The following ITPR1 variants were observed in gnomAD, a reference collection of about 807,000 sequenced individuals.
ITPR1 encodes the protein inositol 1,4,5-trisphosphate receptor type 1, also known as inositol 1,4,5-trisphosphate-gated calcium channel ITPR1.
A neutral mutation model predicts 318.4 loss-of-function variants in ITPR1; 96 were observed. That is an observed-to-expected ratio of 0.30 (90% CI 0.26 to 0.36). The LOEUF is 0.36. Ranked by LOEUF, ITPR1 falls within the 10% of genes least tolerant of loss-of-function variation. ITPR1 has a pLI of 1.00. For missense variants in ITPR1, 2,440 were observed against 3,460.2 expected (o/e 0.71, Z 7.40); for synonymous variants, 1,312 against 1,289.9 (o/e 1.02, Z -0.37).
chr3:4,735,192 C>T lies in ITPR1; in HGVS notation c.5382C>T (p.Ser1794=), dbSNP rs759411779. 5.6e-6 allele frequency: 9 copies of T among 1,613,752 alleles called. No individual in the cohort carries two copies. The Admixed American group carries it at 6.7e-5, about 12-fold the overall frequency. The change falls in exon 44 of 62, where the codon AGC becomes AGT. Residue 1794 remains serine (S), a synonymous_variant. Transcript: ENST00000649015. ...GAGGTTCCGGATCCAGCTCTATGAG[C>T]AGGGGTGAGATGAGTCTGGCCGAGG... The part of the protein sequence containing the change: ...GGGGSGSSSM[S]RGEMSLAEVQ...
intron 11 of ITPR1, among the ~76,000 whole-genome samples, chr3:4,652,458 A>T (rs1203388645): frequency 1.3e-5 from 2 of 152,114 alleles, no homozygotes; most frequent in East Asian, 1.9e-4. Flanking sequence ...AAGTTAGAAG[A>T]TCATGCCGAT....
chr3:4,542,508 T>C (rs911096575), intron 4 of ITPR1, among the ~76,000 whole-genome samples: 1 of 152,236 alleles, frequency 6.6e-6, no homozygotes, highest in Non-Finnish European at 1.5e-5. Flanking sequence ...CCTATATATG[T>C]TAATTAGGGT....
chr3:4,783,701 C>T (rs1575231047), intron 50 of ITPR1, 115 bp from the exon 51 acceptor site: 2 of 858,728 alleles, frequency 2.3e-6, no homozygotes, highest in South Asian at 1.5e-5. Context: ...CACCTTTGCC[C>T]TTTGGCTTGC....
At chr3:4,670,547 A>G (rs752927713) in intron 19 of ITPR1, among the ~76,000 whole-genome samples, 182 bp from the exon 20 acceptor site, 4 of 152,194 alleles carry the variant, frequency 2.6e-5, no homozygotes, top group Non-Finnish European at 5.9e-5. Context: ...CAGCAGCACC[A>G]TAGTCGAGAA....
rs6805001 is a variant in ITPR1 at position 4,632,872 on chromosome 3, T to G, written c.279+4994T>G. Among the ~76,000 whole-genome samples the G allele has an allele frequency of 4.5e-5, 6 of 134,690 alleles. No individual in the cohort carries two copies. The Admixed American group carries it at 4.5e-4, about 10-fold the overall frequency. The allele number at this position is 134,690 out of a possible 152,430, so 88.4% of individuals were successfully genotyped here. A position where few individuals can be genotyped will look rare whatever the true frequency, so the allele number is the denominator to read the frequency against. On this transcript the variant is annotated intron_variant, in intron 5 of 61. Coordinates refer to ENST00000649015, the MANE Select transcript of ITPR1 (RefSeq NM_001378452.1). ...TCATGCTGTTTATGTTTTTAAAAAA[T>G]AAAAAAGGAAGCCAGTTCTTTTCCC...
intron 42 of ITPR1, among the ~76,000 whole-genome samples, chr3:4,732,185 G>A (rs2042972855): frequency 6.6e-6 from 1 of 152,176 alleles, no homozygotes; most frequent in Admixed American, 6.5e-5. Flanking sequence ...TGGCTTGCCA[G>A]TATCCCCCAG....
chr3:4,658,325 G>T, intron 13 of ITPR1, 47 bp downstream of exon 13: 2 of 1,517,818 alleles, frequency 1.3e-6, no homozygotes, highest in South Asian at 1.2e-5. Context: ...GCCTGGTGTA[G>T]GTGGCCTGAC....
At chr3:4,648,013 G>A (rs555653162) in intron 10 of ITPR1, among the ~76,000 whole-genome samples, 44 of 152,156 alleles carry the variant, frequency 2.9e-4, no homozygotes, top group African/African-American at 1.0e-3. Context: ...TTAGCCAAGC[G>A]TGGTGGCACA....
At chr3:4,784,552 G>T (rs1421919440) in intron 51 of ITPR1, among the ~76,000 whole-genome samples, 1 of 150,526 alleles carries the variant, frequency 6.6e-6, no homozygotes, top group African/African-American at 2.4e-5. Context: ...ATTACAATCA[G>T]ATCTGTGTTT....
At chr3:4,531,454 A>T (rs2083405562) in intron 4 of ITPR1, among the ~76,000 whole-genome samples, 3 of 152,180 alleles carry the variant, frequency 2.0e-5, no homozygotes, top group Non-Finnish European at 2.9e-5. Flanking sequence ...TCCACCGTTT[A>T]CTGCGGCTAG....
intron 44 of ITPR1, among the ~76,000 whole-genome samples, chr3:4,747,393 T>A (rs1167873495): frequency 6.6e-6 from 1 of 152,204 alleles, no homozygotes; most frequent in Non-Finnish European, 1.5e-5. Context: ...TGCCAGAACG[T>A]GAGTTTGTAA....
chr3:4,523,903 C>G (rs557447639), intron 4 of ITPR1, among the ~76,000 whole-genome samples: 1 of 152,138 alleles, frequency 6.6e-6, no homozygotes, highest in Non-Finnish European at 1.5e-5. Context: ...TTTGAGATAA[C>G]GGTAATAGTC....
Position 4,800,329 on chromosome 3 carries a change from G to A in ITPR1, c.6932-96G>A, listed in dbSNP as rs2048147578. On this transcript the variant is annotated intron_variant, in intron 53 of 61. Transcript: ENST00000649015. ...GAGTTGGGACTGGTAAGCCAAAAAA[G>A]TTATTGAGGAATCTGTAACAGTGCA... is the stretch of plus-strand genomic sequence containing the variant. 1.1e-5 allele frequency: 15 copies of A among 1,327,378 alleles called. No homozygotes were observed. The South Asian group carries it at 1.9e-4, about 17-fold the overall frequency. The allele number at this position is 1,327,378 out of a possible 1,614,324, so 82.2% of individuals were successfully genotyped here. A position where few individuals can be genotyped will look rare whatever the true frequency, so the allele number is the denominator to read the frequency against.
chr3:4,556,401 T>TA (rs1197843190), intron 4 of ITPR1, among the ~76,000 whole-genome samples: 1 of 152,230 alleles, frequency 6.6e-6, no homozygotes, highest in Non-Finnish European at 1.5e-5. Flanking sequence ...GATGTATCTA[T>TA]AGATCACTGA....
intron 4 of ITPR1, among the ~76,000 whole-genome samples, chr3:4,609,444 G>C (rs1356666679): frequency 6.6e-6 from 1 of 152,024 alleles, no homozygotes; most frequent in Non-Finnish European, 1.5e-5. Flanking sequence ...GTCCTGATTC[G>C]TCTAATTAGT....
chr3:4,710,951 C>G lies in ITPR1; in HGVS notation c.4991+478C>G, dbSNP rs2041313431. On this transcript the variant is annotated intron_variant, in intron 38 of 61. Transcript: ENST00000649015. The surrounding 1 kb of genome is among the most constrained non-coding windows in gnomAD (Gnocchi z 4.2). ...CCAAGGCCGGACACGGTGGCTCATG[C>G]CTGTAATCCCAGCACTTTGGGAGGC... Among the ~76,000 whole-genome samples, 1 of 152,168 alleles carries G rather than the reference C, an allele frequency of 6.6e-6. No homozygotes were observed. The highest frequency in any genetic ancestry group is 6.5e-5 in the Admixed American group (1 of 15,288).
At chr3:4,684,569 CT>C (rs1428242753) in intron 29 of ITPR1, among the ~76,000 whole-genome samples, 1 of 152,184 alleles carries the variant, frequency 6.6e-6, no homozygotes, top group African/African-American at 2.4e-5. Flanking sequence ...GCTTCCTCAC[CT>C]TTTGTAGGTG....
intron 39 of ITPR1, among the ~76,000 whole-genome samples, chr3:4,712,491 C>T (rs1299558348): frequency 1.3e-5 from 2 of 152,188 alleles, no homozygotes; most frequent in African/African-American, 4.8e-5. Flanking sequence ...CCCCCAGCAA[C>T]AAATGATGGG....
chr3:4,531,365 G>C (rs1400609353), intron 4 of ITPR1, among the ~76,000 whole-genome samples: 1 of 152,140 alleles, frequency 6.6e-6, no homozygotes, highest in Non-Finnish European at 1.5e-5. Context: ...TCTCACCAAA[G>C]TTGCTGCACA....
Sources: gnomAD v4.1 joint callset for allele counts (sites outside exome capture counted in the v4.1 genomes callset) on GRCh38, gnomAD v4.1.1 for gene constraint, Gnocchi (gnomAD v3.1) non-coding constraint, MANE v1.5 for transcripts, NCBI Gene and HGNC (gene_info 2026-07-23, HGNC 2026-07-21) for gene names.